Variants in ADAM18 observed in about 807,000 individuals in gnomAD.
The protein encoded by ADAM18 is disintegrin and metalloproteinase domain-containing protein 18.
Under a neutral mutation model 94.4 loss-of-function variants are expected in ADAM18, and 117 were observed. That is an observed-to-expected ratio of 1.24 (90% CI 1.07 to 1.45). The LOEUF is 1.45. ADAM18 is among the 40% of genes most tolerant of loss of function. The probability of loss-of-function intolerance (pLI) is 0.00; values close to 1 mark genes in which losing one functional copy is unlikely to be tolerated. For synonymous variants in ADAM18, 327 were observed against 291.6 expected, an observed-to-expected ratio of 1.12 and a Z score of -1.24; for missense variants, 936 against 880.0, an observed-to-expected ratio of 1.06 and a Z score of -0.81.
intron 6 of ADAM18, among the ~76,000 whole-genome samples, chr8:39,617,300 T>C (rs1475499306): frequency 6.6e-6 from 1 of 152,144 alleles, no homozygotes; most frequent in African/African-American, 2.4e-5. Flanking sequence ...TGAGATACCA[T>C]TCCACACCAG....
chr8:39,685,971 C>T (rs748867457), intron 16 of ADAM18, among the ~76,000 whole-genome samples: 54 of 152,250 alleles, frequency 3.5e-4, no homozygotes, highest in Non-Finnish European at 5.9e-4. Context: ...ATTGAGACCT[C>T]ATCAAAATGG....
intron 6 of ADAM18, among the ~76,000 whole-genome samples, chr8:39,622,241 T>C (rs902049697): frequency 4.7e-5 from 7 of 150,522 alleles, no homozygotes; most frequent in South Asian, 4.2e-4. Context: ...TTCTCATTGA[T>C]TAAAAACAGC....
intron 17 of ADAM18, among the ~76,000 whole-genome samples, chr8:39,699,165 A>G (rs918039978): frequency 6.6e-6 from 1 of 152,108 alleles, no homozygotes; most frequent in East Asian, 1.9e-4. Flanking sequence ...AAAGAGGACA[A>G]TCATTAGTTT....
intron 19 of ADAM18, among the ~76,000 whole-genome samples, 192 bp from the exon 20 acceptor site, chr8:39,729,692 ACCTATAATATAGAT>A: frequency 6.6e-6 from 1 of 152,186 alleles, no homozygotes; most frequent in South Asian, 2.1e-4. Flanking sequence ...TAGATAAGTT[ACCTATAATATAGAT>A]AAGAACCAAA....
intron 2 of ADAM18, among the ~76,000 whole-genome samples, chr8:39,594,793 G>GTTTTTTTTTTTTTTTTTTTTTTTTTTT (rs71237182): frequency 6.4e-5 from 3 of 46,870 alleles, no homozygotes; most frequent in Admixed American, 2.6e-4. Context: ...TTTGCTGTGA[G>GTTTTTTTTTTTTTTTTTTTTTTTTTTT]TTTTTTTTTT....
chr8:39,638,396 T>C lies in ADAM18; in HGVS notation c.828-69T>C, dbSNP rs1820145580. 12 of 1,073,902 alleles carry C rather than the reference T, an allele frequency of 1.1e-5. No homozygotes were observed. The South Asian group carries it at 2.0e-4, about 18-fold the overall frequency. 66.5% of individuals were successfully genotyped at this position (1,073,902 alleles called of 1,614,324 possible). A position where few individuals can be genotyped will look rare whatever the true frequency, so the allele number is the denominator to read the frequency against. On this transcript the variant is annotated intron_variant, in intron 9 of 19. Coordinates refer to ENST00000265707, the MANE Select transcript of ADAM18 (RefSeq NM_014237.3). ...TTTTTAAAATTTTATGTGAAGAAGGTTTAATTTAATACATAAGCTTACAAA... is the reference window on the plus strand; with the variant it reads ...TTTTTAAAATTTTATGTGAAGAAGGCTTAATTTAATACATAAGCTTACAAA...
chr8:39,591,375 A>C (rs575069386), intron 2 of ADAM18, among the ~76,000 whole-genome samples: 40 of 152,336 alleles, frequency 2.6e-4, no homozygotes, highest in Non-Finnish European at 4.9e-4. Context: ...AATCTTCTCC[A>C]ACCCTGCCAC....
intron 6 of ADAM18, among the ~76,000 whole-genome samples, chr8:39,621,938 G>C (rs149416163): frequency 1.7e-3 from 255 of 152,266 alleles, no homozygotes; most frequent in Non-Finnish European, 2.2e-3. Flanking sequence ...TGGAGGATGA[G>C]AAGAGGAAGA....
chr8:39,615,420 C>A (rs965306618), intron 6 of ADAM18, among the ~76,000 whole-genome samples: 5 of 152,116 alleles, frequency 3.3e-5, no homozygotes, highest in African/African-American at 9.7e-5. Context: ...AACAAAGATA[C>A]AACATACCAG....
intron 10 of ADAM18, among the ~76,000 whole-genome samples, chr8:39,641,064 T>G (rs990174768): frequency 6.6e-6 from 1 of 152,172 alleles, no homozygotes; most frequent in Non-Finnish European, 1.5e-5. Flanking sequence ...TTTTGGCATC[T>G]TTTTCATGAA....
intron 10 of ADAM18, among the ~76,000 whole-genome samples, chr8:39,639,308 CTTTG>C (rs1820172512): frequency 6.6e-6 from 1 of 151,930 alleles, no homozygotes; most frequent in Admixed American, 6.6e-5. Context: ...ATCCAATTGC[CTTTG>C]TTTAATTTTA....
chr8:39,641,061 A>T (rs542762262), intron 10 of ADAM18, among the ~76,000 whole-genome samples: 1 of 151,980 alleles, frequency 6.6e-6, no homozygotes, highest in African/African-American at 2.4e-5. Context: ...TGCTTTTGGC[A>T]TCTTTTTCAT....
At chr8:39,695,810 A>AT (rs1321770767) in intron 17 of ADAM18, among the ~76,000 whole-genome samples, 1 of 151,354 alleles carries the variant, frequency 6.6e-6, no homozygotes, top group Admixed American at 6.6e-5. Context: ...TATATACCAC[A>AT]TTTTGTTCAT....
intron 18 of ADAM18, among the ~76,000 whole-genome samples, chr8:39,713,874 C>T (rs1427605468): frequency 2.6e-5 from 4 of 152,178 alleles, no homozygotes; most frequent in Non-Finnish European, 5.9e-5. Context: ...TTGTGGAAGT[C>T]AGTGTGGCGA....
intron 17 of ADAM18, among the ~76,000 whole-genome samples, chr8:39,694,900 A>T (rs550017348): frequency 5.9e-5 from 9 of 151,524 alleles, no homozygotes; most frequent in East Asian, 1.9e-4. Flanking sequence ...CCATTATTAC[A>T]GTATCATACA....
chr8:39,707,802 G>T (rs552020130), intron 18 of ADAM18, among the ~76,000 whole-genome samples: 38 of 152,154 alleles, frequency 2.5e-4, no homozygotes, highest in African/African-American at 8.2e-4. Context: ...TTTGGAATAT[G>T]TATGTATTAA....
At chr8:39,632,662 C>T (rs1441594832) in intron 7 of ADAM18, among the ~76,000 whole-genome samples, 1 of 151,944 alleles carries the variant, frequency 6.6e-6, no homozygotes, top group African/African-American at 2.4e-5. Flanking sequence ...TTATCCTAGC[C>T]TCATCAAATA....
chr8:39,720,046 GAAACAATGTAA>G (rs1315829703), intron 18 of ADAM18, among the ~76,000 whole-genome samples: 2 of 143,142 alleles, frequency 1.4e-5, no homozygotes, highest in Non-Finnish European at 3.2e-5. Flanking sequence ...ATAACATCTG[GAAACAATGTAA>G]ATATAAATCA....
At chr8:39,628,299 G>T (rs1819829558) in intron 6 of ADAM18, among the ~76,000 whole-genome samples, 2 of 151,570 alleles carry the variant, frequency 1.3e-5, no homozygotes, top group South Asian at 4.2e-4. Context: ...TTACAAAATT[G>T]CAGTATACAT....
Sources: allele counts gnomAD v4.1 joint callset (sites outside exome capture counted in the v4.1 genomes callset), GRCh38; gene constraint gnomAD v4.1.1; transcripts MANE v1.5; gene names NCBI Gene and HGNC (gene_info 2026-07-23, HGNC 2026-07-21).